CSNK1A1: variants seen among roughly 807,000 people sequenced by gnomAD.
CSNK1A1 encodes casein kinase I isoform alpha.
In CSNK1A1, 7 loss-of-function variants were observed where a neutral mutation model predicts 46.1. That is an observed-to-expected ratio of 0.15 (90% confidence interval 0.09 to 0.29). The LOEUF is 0.29. Ranked by LOEUF, CSNK1A1 falls within the 10% of genes least tolerant of loss-of-function variation. CSNK1A1 has a pLI of 1.00. For synonymous variants in CSNK1A1, 137 were observed against 141.5 expected, an observed-to-expected ratio of 0.97 and a Z score of 0.23; for missense variants, 96 against 417.1, an observed-to-expected ratio of 0.23 and a Z score of 6.71.
intron 2 of CSNK1A1, among the ~76,000 whole-genome samples, chr5:149,542,626 A>ATG (rs1762298750): frequency 1.6e-4 from 2 of 12,746 alleles, no homozygotes; most frequent in Non-Finnish European, 2.2e-4. Flanking sequence ...ATATATATAT[A>ATG]TATATATATA....
At chr5:149,505,104 G>T in intron 9 of CSNK1A1, 1 of 1,005,710 alleles carries the variant, frequency 9.9e-7, no homozygotes, top group Non-Finnish European at 1.2e-6. Flanking sequence ...ATTTTGGATT[G>T]ATTGATTATA....
At position 149,496,103 on chromosome 5, in the gene CSNK1A1, T is replaced by C. The variant is rs533111041; in HGVS notation, c.*750A>G. The C allele has an allele frequency of 1.3e-5, 2 of 152,744 alleles. No individual in the cohort carries two copies. Among genetic ancestry groups the C allele is most frequent in the East Asian group, 3.9e-4 (2 of 5,186 alleles). 9.5% of individuals were successfully genotyped at this position (152,744 alleles called of 1,614,324 possible). On this transcript the variant is annotated 3_prime_UTR_variant, in exon 10 of 10. Coordinates refer to ENST00000377843, the MANE Select transcript of CSNK1A1 (RefSeq NM_001892.6). ...AGTGATTACATTTATCTAAGCAACA[T>C]ACATACATGTTCAGTTGTAAGATGT...
At chr5:149,506,956 T>C in intron 8 of CSNK1A1, 71 bp downstream of exon 8, 1 of 1,136,512 alleles carries the variant, frequency 8.8e-7, no homozygotes, top group Non-Finnish European at 1.3e-6. Context: ...TTTATCAGAA[T>C]GAATTTGTTA....
intron 3 of CSNK1A1, among the ~76,000 whole-genome samples, chr5:149,520,616 A>G (rs1761538267): frequency 6.6e-6 from 1 of 152,218 alleles, no homozygotes; most frequent in African/African-American, 2.4e-5. Flanking sequence ...AATTAAAACC[A>G]TGGCAGGGTC....
In CSNK1A1 at chr5:149,493,250, T is replaced by C. The variant is rs1760570351; in HGVS notation, c.*3603A>G. ...CACACCCGGCTAATTTTTGTATTTT[T>C]AGTAGAGACAGGGTTTCACTATGTT... On this transcript the variant is annotated 3_prime_UTR_variant, in exon 10 of 10. Transcript: ENST00000377843. 6.6e-6 allele frequency: 1 copy of C among 152,144 alleles called. No homozygotes were observed. The highest frequency in any genetic ancestry group is 6.5e-5 in the Admixed American group (1 of 15,288). 9.4% of individuals were successfully genotyped at this position (152,144 alleles called of 1,614,324 possible).
Position 149,550,305 on chromosome 5 carries a change from A to C in CSNK1A1, c.124-124T>G, listed in dbSNP as rs1762614604. On this transcript the variant is annotated intron_variant, in intron 1 of 9. Transcript: ENST00000377843. This position sits in a 1 kb window ranked among gnomAD's most constrained non-coding sequence, Gnocchi z 4.3. The stretch of plus-strand genomic sequence containing the variant: ...CAAGAAGAAGTGAAAAGCTGGAAAG[A>C]GAAAGCTCTCGGTAATTATAAAACG... 2.7e-6 allele frequency: 4 copies of C among 1,485,036 alleles called. No individual in the cohort carries two copies. The East Asian group carries it at 9.4e-5, about 35-fold the overall frequency. The allele number at this position is 1,485,036 out of a possible 1,614,324, so 92.0% of individuals were successfully genotyped here. A position where few individuals can be genotyped will look rare whatever the true frequency, so the allele number is the denominator to read the frequency against.
At chr5:149,501,697 T>C in intron 9 of CSNK1A1, 1 of 985,390 alleles carries the variant, frequency 1.0e-6, no homozygotes, top group Non-Finnish European at 1.2e-6. Flanking sequence ...AGAATCCACC[T>C]TTGGGTTCAC....
chr5:149,505,669 G>T, intron 8 of CSNK1A1, 74 bp from the exon 9 acceptor site: 1 of 1,221,526 alleles, frequency 8.2e-7, no homozygotes, highest in Non-Finnish European at 1.2e-6. Context: ...AACTTTTTAA[G>T]ACAGTGACAG....
chr5:149,527,360 T>C (rs1447420728), intron 2 of CSNK1A1, among the ~76,000 whole-genome samples: 1 of 152,138 alleles, frequency 6.6e-6, no homozygotes, highest in Non-Finnish European at 1.5e-5. Context: ...ATTCCTGACC[T>C]CAGCTGATCC....
At chr5:149,523,869 T>TA (rs928331825) in intron 3 of CSNK1A1, among the ~76,000 whole-genome samples, 1 of 152,208 alleles carries the variant, frequency 6.6e-6, no homozygotes, top group Non-Finnish European at 1.5e-5. Flanking sequence ...AAGCTATTGT[T>TA]AACTATAATT....
intron 4 of CSNK1A1, among the ~76,000 whole-genome samples, chr5:149,518,492 C>T (rs1580835448): frequency 6.6e-6 from 1 of 152,112 alleles, no homozygotes; most frequent in Admixed American, 6.6e-5. Context: ...AGAATCCAGT[C>T]TCATACAACT....
intron 8 of CSNK1A1, among the ~76,000 whole-genome samples, chr5:149,506,018 G>A (rs1050704211): frequency 6.6e-5 from 10 of 151,542 alleles, no homozygotes; most frequent in Admixed American, 3.3e-4. Flanking sequence ...CCTCCGTCTC[G>A]CAGGTTCAAG....
At chr5:149,534,043 C>A (rs1761977254) in intron 2 of CSNK1A1, among the ~76,000 whole-genome samples, 1 of 152,080 alleles carries the variant, frequency 6.6e-6, no homozygotes, top group South Asian at 2.1e-4. Context: ...TACTAAGAAA[C>A]AAACTGTACA....
At chr5:149,502,152 C>A in intron 9 of CSNK1A1, 1 of 961,510 alleles carries the variant, frequency 1.0e-6, no homozygotes, top group Non-Finnish European at 1.2e-6. Flanking sequence ...AAAACAACAC[C>A]ATTTTTACTG....
At chr5:149,505,719 C>G in intron 8 of CSNK1A1, 124 bp from the exon 9 acceptor site, 1 of 751,072 alleles carries the variant, frequency 1.3e-6, no homozygotes, top group Non-Finnish European at 2.1e-6. Flanking sequence ...AGTGTGGCAG[C>G]TTCTAAAATA....
chr5:149,545,524 G>A (rs1031812959), intron 2 of CSNK1A1: 7 of 650,728 alleles, frequency 1.1e-5, no homozygotes, highest in Non-Finnish European at 2.0e-5. Context: ...GCGGACACAA[G>A]CACACTTCCC....
At chr5:149,505,740 T>C (rs973222059) in intron 8 of CSNK1A1, 145 bp from the exon 9 acceptor site, 1 of 668,406 alleles carries the variant, frequency 1.5e-6, no homozygotes, top group Non-Finnish European at 2.4e-6. Context: ...TTTCTTATTA[T>C]AGATGAAAAA....
chr5:149,533,025 TTAC>T (rs958647931), intron 2 of CSNK1A1, among the ~76,000 whole-genome samples: 1 of 152,196 alleles, frequency 6.6e-6, no homozygotes, highest in African/African-American at 2.4e-5. Context: ...TGCTGCCTTG[TTAC>T]TACTAATCCT....
intron 9 of CSNK1A1, chr5:149,497,620 G>A: frequency 1.0e-6 from 1 of 985,396 alleles, no homozygotes; most frequent in African/African-American, 1.7e-5. Flanking sequence ...GGCAAAGGGA[G>A]AAAATATGCC....
Sources: gnomAD v4.1 joint callset for allele counts (sites outside exome capture counted in the v4.1 genomes callset) on GRCh38, gnomAD v4.1.1 for gene constraint, Gnocchi (gnomAD v3.1) non-coding constraint, MANE v1.5 for transcripts, NCBI Gene and HGNC (gene_info 2026-07-23, HGNC 2026-07-21) for gene names.